Variants in FMNL2 observed in about 807,000 individuals in gnomAD.
FMNL2 encodes the protein formin like 2.
In FMNL2, 51 loss-of-function variants were observed where a neutral mutation model predicts 130.2. That is an observed-to-expected ratio of 0.39 (90% confidence interval 0.31 to 0.49). The LOEUF is 0.49. FMNL2 is among the 20% of genes least tolerant of loss of function. The pLI is 0.85. For synonymous variants in FMNL2, 465 were observed against 467.1 expected (o/e 1.00, Z 0.06); for missense variants, 977 against 1,316.2 (o/e 0.74, Z 3.99).
chr2:152,506,697 T>C (rs1364452754), intron 1 of FMNL2, among the ~76,000 whole-genome samples: 2 of 152,158 alleles, frequency 1.3e-5, no homozygotes, highest in East Asian at 3.9e-4. Context: ...ATAGCATCTT[T>C]AGTGTCTCAA....
At chr2:152,352,846 G>T (rs1353389262) in intron 1 of FMNL2, among the ~76,000 whole-genome samples, 1 of 65,962 alleles carries the variant, frequency 1.5e-5, no homozygotes, top group Non-Finnish European at 4.3e-5. Context: ...CTTGAAGGCT[G>T]TGTGGTAAGC....
intron 1 of FMNL2, among the ~76,000 whole-genome samples, chr2:152,361,338 A>G (rs997991451): frequency 2.0e-5 from 3 of 152,198 alleles, no homozygotes; most frequent in Non-Finnish European, 4.4e-5. Context: ...AATATACATG[A>G]AAACCAAAAA....
intron 1 of FMNL2, among the ~76,000 whole-genome samples, chr2:152,413,064 T>G (rs1191990719): frequency 6.6e-6 from 1 of 152,124 alleles, no homozygotes. Context: ...CCTTCTTATC[T>G]TCCTCATCTT....
chr2:152,633,769 C>A (rs1682351258), intron 21 of FMNL2, among the ~76,000 whole-genome samples: 1 of 152,238 alleles, frequency 6.6e-6, no homozygotes, highest in African/African-American at 2.4e-5. Context: ...ATTATAATTT[C>A]TACCTGACCA....
intron 9 of FMNL2, among the ~76,000 whole-genome samples, chr2:152,590,018 T>TAC: frequency 7.2e-6 from 1 of 139,436 alleles, no homozygotes; most frequent in Non-Finnish European, 1.5e-5. Context: ...TACATATACA[T>TAC]ATATATATAC....
chr2:152,361,768 C>T (rs539722437), intron 1 of FMNL2, among the ~76,000 whole-genome samples: 5 of 152,064 alleles, frequency 3.3e-5, no homozygotes, highest in Admixed American at 6.6e-5. Flanking sequence ...TCACTGTTAC[C>T]GTCTTAGAGC....
chr2:152,464,423 A>G (rs1478612801), intron 1 of FMNL2, among the ~76,000 whole-genome samples: 4 of 152,180 alleles, frequency 2.6e-5, no homozygotes, highest in African/African-American at 7.2e-5. Flanking sequence ...TCCACTCTTC[A>G]GGGTGTGATA....
intron 6 of FMNL2, among the ~76,000 whole-genome samples, chr2:152,563,036 C>T (rs1695621166): frequency 1.3e-5 from 2 of 152,160 alleles, no homozygotes; most frequent in Admixed American, 1.3e-4. Context: ...TCGGGAAAAT[C>T]TGGGAAACTT....
At position 152,618,985 on chromosome 2, in the gene FMNL2, A is replaced by G. The variant is rs1195906988; in HGVS notation, c.1454A>G (p.Lys485Arg). The change falls in exon 14 of 26, where the codon AAG becomes AGG. Residue 485 changes from lysine (K) to arginine (R), a missense_variant. Transcript: ENST00000288670. ...AAACAAGGGACCATTAAAATTCAGA[A>G]GAAAGGGGATGGGGATATCGCCATA... The part of the protein sequence containing the change: ...LEKQGTIKIQ[K>R]KGDGDIAILP... 3.7e-6 allele frequency: 6 copies of G among 1,613,950 alleles called. No homozygotes were observed. The highest frequency in any genetic ancestry group is 5.1e-6 in the Non-Finnish European group (6 of 1,179,906).
rs141277879 is a variant in FMNL2 at position 152,551,463 on chromosome 2, A to G, written c.359+2366A>G. 2.0e-5 allele frequency among the ~76,000 whole-genome samples: 3 copies of G among 152,370 alleles called. 1 individual carries two copies. The highest frequency in any genetic ancestry group is 3.9e-4 in the East Asian group (2 of 5,192). On this transcript the variant is annotated intron_variant, in intron 4 of 25. Transcript: ENST00000288670. ...GAGATGCATTGTCTGATTATATGCA[A>G]CCAATCACTAGCATAAACTTACGTG...
At chr2:152,631,965 C>G in intron 20 of FMNL2, 43 bp from the exon 21 acceptor site, 1 of 1,580,922 alleles carries the variant, frequency 6.3e-7, no homozygotes, top group Non-Finnish European at 8.6e-7. Flanking sequence ...TGTCTTGTTA[C>G]CCTTTACTCT....
At chr2:152,616,021 A>G (rs1052742705) in intron 12 of FMNL2, among the ~76,000 whole-genome samples, 6 of 152,170 alleles carry the variant, frequency 3.9e-5, no homozygotes, top group South Asian at 2.1e-4. Context: ...GGCCCAGTAT[A>G]TCTTCCCTTA....
chr2:152,484,362 C>T (rs1321888840), intron 1 of FMNL2, among the ~76,000 whole-genome samples: 3 of 151,954 alleles, frequency 2.0e-5, no homozygotes, highest in African/African-American at 7.3e-5. Flanking sequence ...GATATTGGGC[C>T]AAGTGCAATA....
chr2:152,568,217 G>GTTTTTTTTTTTTTTTTTT (rs1558970322), intron 6 of FMNL2, among the ~76,000 whole-genome samples: 4 of 127,508 alleles, frequency 3.1e-5, no homozygotes, highest in African/African-American at 1.4e-4. Flanking sequence ...CATTTTGGTG[G>GTTTTTTTTTTTTTTTTTT]GTTTTTTTTT....
intron 1 of FMNL2, among the ~76,000 whole-genome samples, chr2:152,406,148 A>AT (rs11428785): frequency 0.45 from 67,825 of 151,958 alleles, 15,744 homozygotes; most frequent in African/African-American, 0.56. Flanking sequence ...TATGCTGCAC[A>AT]TTTTTTTCCT....
intron 1 of FMNL2, among the ~76,000 whole-genome samples, chr2:152,344,442 T>G (rs1318461554): frequency 6.6e-6 from 1 of 152,114 alleles, no homozygotes; most frequent in Non-Finnish European, 1.5e-5. Flanking sequence ...TTTGGATAGA[T>G]TAGGCAAAAT....
At chr2:152,367,271 T>C (rs541431292) in intron 1 of FMNL2, among the ~76,000 whole-genome samples, 9 of 152,216 alleles carry the variant, frequency 5.9e-5, no homozygotes, top group Non-Finnish European at 5.9e-5. Flanking sequence ...AGATGGGGTT[T>C]CACCATGTTG....
chr2:152,477,022 A>G (rs868242940), intron 1 of FMNL2, among the ~76,000 whole-genome samples: 2 of 152,324 alleles, frequency 1.3e-5, no homozygotes, highest in South Asian at 4.1e-4. Flanking sequence ...AAGCAGGATT[A>G]TAAGCACTTG....
At chr2:152,568,218 G>GGTTTTTTTTTT (rs1270152711) in intron 6 of FMNL2, among the ~76,000 whole-genome samples, 3 of 34,856 alleles carry the variant, frequency 8.6e-5, no homozygotes, top group Admixed American at 2.2e-4. Flanking sequence ...ATTTTGGTGG[G>GGTTTTTTTTTT]TTTTTTTTTT....
Sources: gnomAD v4.1 joint callset for allele counts (sites outside exome capture counted in the v4.1 genomes callset) on GRCh38, gnomAD v4.1.1 for gene constraint, MANE v1.5 for transcripts, NCBI Gene and HGNC (gene_info 2026-07-23, HGNC 2026-07-21) for gene names.